Variants in KCNH1 observed in about 807,000 individuals in gnomAD.
KCNH1 encodes the protein voltage-gated delayed rectifier potassium channel KCNH1.
In KCNH1, 27 loss-of-function variants were observed where a neutral mutation model predicts 69.2. The ratio of observed to expected loss-of-function variants is 0.39; its 90% CI spans 0.29 to 0.54. The LOEUF is 0.54. Among genes scored for constraint, KCNH1 ranks in the 20% least tolerant of loss-of-function variants. The probability of loss-of-function intolerance (pLI) is 0.68; values close to 1 mark genes in which losing one functional copy is unlikely to be tolerated. For missense variants in KCNH1, 798 were observed against 1,261.6 expected (o/e 0.63, Z 5.57); for synonymous variants, 456 against 487.7 (o/e 0.93, Z 0.86).
chr1:210,958,461 GC>G (rs1688225064), intron 6 of KCNH1, among the ~76,000 whole-genome samples: 1 of 152,168 alleles, frequency 6.6e-6, no homozygotes, highest in Non-Finnish European at 1.5e-5. Flanking sequence ...GGCCTGCCTT[GC>G]CTGGTTGGGG....
intron 7 of KCNH1, among the ~76,000 whole-genome samples, chr1:210,913,184 G>A (rs1332835813): frequency 6.6e-6 from 1 of 152,110 alleles, no homozygotes; most frequent in Non-Finnish European, 1.5e-5. Context: ...CCAGGTTATA[G>A]AGAAAAAATC....
chr1:210,721,359 C>T (rs965985542), intron 10 of KCNH1, among the ~76,000 whole-genome samples: 1 of 152,144 alleles, frequency 6.6e-6, no homozygotes, highest in African/African-American at 2.4e-5. Flanking sequence ...AATTCTTCAG[C>T]GCAAGAGTTC....
At chr1:210,917,014 G>T (rs1157219915) in intron 7 of KCNH1, among the ~76,000 whole-genome samples, 1 of 151,834 alleles carries the variant, frequency 6.6e-6, no homozygotes, top group Non-Finnish European at 1.5e-5. Context: ...CAGGTGTCAT[G>T]GTGCGTGCCT....
At chr1:210,977,368 C>A (rs1367033221) in intron 6 of KCNH1, among the ~76,000 whole-genome samples, 1 of 151,964 alleles carries the variant, frequency 6.6e-6, no homozygotes, top group Non-Finnish European at 1.5e-5. Context: ...GGGTGCAGCA[C>A]ACCAACATGG....
At chr1:210,992,016 C>T (rs1688947721) in intron 6 of KCNH1, among the ~76,000 whole-genome samples, 1 of 152,180 alleles carries the variant, frequency 6.6e-6, no homozygotes, top group South Asian at 2.1e-4. Flanking sequence ...CAATACTTCC[C>T]AGGATCAAGT....
chr1:210,992,051 C>G (rs912265267), intron 6 of KCNH1, among the ~76,000 whole-genome samples: 6 of 152,186 alleles, frequency 3.9e-5, no homozygotes, highest in African/African-American at 1.4e-4. Context: ...AGTAATTGTT[C>G]TTTTGGATCA....
intron 4 of KCNH1, among the ~76,000 whole-genome samples, chr1:211,088,793 CA>C (rs927169454): frequency 6.2e-4 from 94 of 152,282 alleles, no homozygotes; most frequent in African/African-American, 2.1e-3. Flanking sequence ...TAAGAAGAAA[CA>C]GAGTAAATGT....
At chr1:211,102,886 C>T (rs58824703) in intron 3 of KCNH1, among the ~76,000 whole-genome samples, 179 of 152,322 alleles carry the variant, frequency 1.2e-3, no homozygotes, top group African/African-American at 4.1e-3. Context: ...GGCCCATATG[C>T]CCTACTTTCC....
intron 7 of KCNH1, among the ~76,000 whole-genome samples, chr1:210,886,600 G>A (rs1047716701): frequency 1.3e-5 from 2 of 151,900 alleles, no homozygotes; most frequent in African/African-American, 4.8e-5. Flanking sequence ...AAACTTCTCC[G>A]AGCTAAAGGA....
At chr1:211,116,081 A>G (rs1009848597) in intron 1 of KCNH1, among the ~76,000 whole-genome samples, 100 of 152,238 alleles carry the variant, frequency 6.6e-4, no homozygotes, top group African/African-American at 2.3e-3. Context: ...GGCTGCAGTG[A>G]GCTATGAGCA....
chr1:210,908,647 G>A (rs1336057730), intron 7 of KCNH1, among the ~76,000 whole-genome samples: 1 of 152,158 alleles, frequency 6.6e-6, no homozygotes, highest in African/African-American at 2.4e-5. Context: ...AGAGTTTACT[G>A]TCGTTTCCCC....
intron 5 of KCNH1, among the ~76,000 whole-genome samples, chr1:211,042,622 A>G (rs1251279102): frequency 2.0e-5 from 3 of 152,250 alleles, no homozygotes; most frequent in Non-Finnish European, 4.4e-5. Flanking sequence ...AAATGGACTT[A>G]ACAGATATTT....
rs1453125630 is a variant in KCNH1 at position 210,775,533 on chromosome 1, C to T, written c.1927G>A (p.Val643Met). 2.5e-6 allele frequency: 4 copies of T among 1,613,462 alleles called. No homozygotes were observed. Among genetic ancestry groups the T allele is most frequent in the Non-Finnish European group, 1.7e-6 (2 of 1,179,714 alleles). Reference protein sequence around the residue: ...EVVAILGKGDVFGDVFWKEAT... With the variant: ...EVVAILGKGDMFGDVFWKEAT... ...TCCTTCCAGAACACATCTCCAAACA[C>T]GTCTCCTTTTCCTAAGGAGAGAAGG... is the stretch of plus-strand genomic sequence containing the variant. The change falls in exon 10 of 11, where the codon GTG becomes ATG. Residue 643 changes from valine to methionine, a missense_variant. Coordinates refer to ENST00000271751, the MANE Select transcript of KCNH1 (RefSeq NM_172362.3).
At chr1:211,044,242 G>C (rs1409949994) in intron 5 of KCNH1, among the ~76,000 whole-genome samples, 3 of 152,172 alleles carry the variant, frequency 2.0e-5, no homozygotes, top group African/African-American at 7.2e-5. Flanking sequence ...ATTCAGTAAA[G>C]TGTCCAGATA....
At chr1:211,000,868 A>C (rs1222307806) in intron 6 of KCNH1, among the ~76,000 whole-genome samples, 1 of 152,192 alleles carries the variant, frequency 6.6e-6, no homozygotes, top group African/African-American at 2.4e-5. Flanking sequence ...ACAAATCTAC[A>C]ACCATCTGAT....
chr1:210,794,767 C>G (rs1684275756), intron 9 of KCNH1, among the ~76,000 whole-genome samples: 1 of 152,132 alleles, frequency 6.6e-6, no homozygotes, highest in Admixed American at 6.5e-5. Flanking sequence ...ATGCCCTTAT[C>G]AAAGGGTTAA....
At chr1:211,046,741 A>G (rs1288042998) in intron 5 of KCNH1, among the ~76,000 whole-genome samples, 2 of 152,198 alleles carry the variant, frequency 1.3e-5, no homozygotes, top group African/African-American at 2.4e-5. Context: ...TTTCATCCTT[A>G]TAACAACCAT....
chr1:210,919,756 A>G lies in KCNH1; in HGVS notation c.1346T>C (p.Val449Ala). ...KWEGGPSKNSVYISSLYFTMT... is the reference protein window; with the variant it reads ...KWEGGPSKNSAYISSLYFTMT... The stretch of plus-strand genomic sequence containing the variant: ...TGTGAAATACAACGAGGAGATGTAG[A>G]CAGAATTCTTGCTGGGACCACCTTC... The change falls in exon 7 of 11, where the codon GTC (valine) becomes GCC (alanine). Residue 449 changes from valine to alanine, a missense_variant. Transcript: ENST00000271751. This position sits in a 1 kb window ranked among gnomAD's most constrained non-coding sequence, Gnocchi z 4.2. The G allele has an allele frequency of 6.2e-7, 1 of 1,614,170 alleles. No individual in the cohort carries two copies. Among genetic ancestry groups the G allele is most frequent in the Non-Finnish European group, 8.5e-7 (1 of 1,180,016 alleles).
At chr1:211,002,347 T>C (rs1487602827) in intron 6 of KCNH1, among the ~76,000 whole-genome samples, 2 of 139,104 alleles carry the variant, frequency 1.4e-5, no homozygotes, top group Non-Finnish European at 3.2e-5. Flanking sequence ...TGTATATATA[T>C]ATATATACAC....
Sources: gnomAD v4.1 joint callset for allele counts (sites outside exome capture counted in the v4.1 genomes callset) on GRCh38, gnomAD v4.1.1 for gene constraint, Gnocchi (gnomAD v3.1) non-coding constraint, MANE v1.5 for transcripts, NCBI Gene and HGNC (gene_info 2026-07-23, HGNC 2026-07-21) for gene names.